Variants in GRID2 observed in about 807,000 individuals in gnomAD.
GRID2 encodes glutamate ionotropic receptor delta type subunit 2.
A neutral mutation model predicts 114.8 loss-of-function variants in GRID2; 33 were observed. That is an observed-to-expected ratio of 0.29 (90% CI 0.22 to 0.38). The LOEUF is 0.38. Ranked by LOEUF, GRID2 falls within the 10% of genes least tolerant of loss-of-function variation. The pLI is 1.00. For missense variants in GRID2, 1,184 were observed against 1,257.7 expected, an observed-to-expected ratio of 0.94 and a Z score of 0.89; for synonymous variants, 505 against 449.9, an observed-to-expected ratio of 1.12 and a Z score of -1.55.
chr4:93,519,659 A>G (rs1390929282), intron 13 of GRID2, among the ~76,000 whole-genome samples: 1 of 152,190 alleles, frequency 6.6e-6, no homozygotes, highest in Non-Finnish European at 1.5e-5. Context: ...ATCTCAGCAT[A>G]GAAGACCACT....
chr4:93,519,634 A>G (rs527660855), intron 13 of GRID2, among the ~76,000 whole-genome samples: 11 of 152,228 alleles, frequency 7.2e-5, no homozygotes, highest in Non-Finnish European at 1.6e-4. Context: ...TTGGGGAAAA[A>G]CAAATCATTC....
chr4:92,599,843 G>A (rs1346693537), intron 2 of GRID2, among the ~76,000 whole-genome samples: 3 of 151,568 alleles, frequency 2.0e-5, no homozygotes, highest in Admixed American at 6.6e-5. Context: ...TAGCCAACAC[G>A]GTGAAACCCC....
At chr4:93,262,433 A>T (rs1750354739) in intron 8 of GRID2, among the ~76,000 whole-genome samples, 1 of 151,976 alleles carries the variant, frequency 6.6e-6, no homozygotes, top group South Asian at 2.1e-4. Flanking sequence ...ATTGTGGCCC[A>T]AATATGGAGT....
intron 13 of GRID2, among the ~76,000 whole-genome samples, chr4:93,595,378 A>T (rs1738973391): frequency 6.6e-6 from 1 of 152,072 alleles, no homozygotes; most frequent in South Asian, 2.1e-4. Flanking sequence ...CCAAGTTCTG[A>T]TATCTGTTAT....
chr4:93,203,268 T>A lies in GRID2; in HGVS notation c.736-4136T>A, dbSNP rs116748833. On this transcript the variant is annotated intron_variant, in intron 4 of 15. Coordinates refer to ENST00000282020, the MANE Select transcript of GRID2 (RefSeq NM_001510.4). ...TTATAACCCTTGTTTAGTGAATATT[T>A]TCTCAGATAATAAATGGAAGAATTA... Among the ~76,000 whole-genome samples, 1,361 of 152,302 alleles carry A rather than the reference T, an allele frequency of 8.9e-3. 20 individuals are homozygous for A. The highest frequency in any genetic ancestry group is 0.031 in the African/African-American group (1,292 of 41,572).
chr4:92,336,956 T>TG (rs539064908), intron 1 of GRID2, among the ~76,000 whole-genome samples: 116 of 146,902 alleles, frequency 7.9e-4, no homozygotes, highest in Middle Eastern at 7.0e-3. Flanking sequence ...TCGTTGTTGT[T>TG]TTTTTTTTTT....
At chr4:92,646,617 C>G (rs564914375) in intron 2 of GRID2, among the ~76,000 whole-genome samples, 326 of 152,196 alleles carry the variant, frequency 2.1e-3, no homozygotes, top group South Asian at 0.018. Context: ...ATGATGACTG[C>G]TGGGGCTAAC....
chr4:93,588,030 A>G (rs1737718094), intron 13 of GRID2, among the ~76,000 whole-genome samples: 1 of 152,174 alleles, frequency 6.6e-6, no homozygotes, highest in Non-Finnish European at 1.5e-5. Context: ...TCTAGAAACA[A>G]TGCAGTGGTC....
chr4:93,536,874 G>A (rs1732142004), intron 13 of GRID2, among the ~76,000 whole-genome samples: 1 of 151,586 alleles, frequency 6.6e-6, no homozygotes, highest in Non-Finnish European at 1.5e-5. Flanking sequence ...ACAGAAATGT[G>A]TTCTGTCCTT....
chr4:92,370,619 A>G (rs998142556), intron 1 of GRID2, among the ~76,000 whole-genome samples: 1 of 152,124 alleles, frequency 6.6e-6, no homozygotes, highest in African/African-American at 2.4e-5. Flanking sequence ...ACATTAGACC[A>G]ATTAATACTG....
intron 1 of GRID2, among the ~76,000 whole-genome samples, chr4:92,333,100 G>C (rs540465739): frequency 6.6e-6 from 1 of 152,360 alleles, no homozygotes; most frequent in East Asian, 1.9e-4. Flanking sequence ...CCTGTAACAA[G>C]TCTCTGCCTG....
intron 12 of GRID2, among the ~76,000 whole-genome samples, chr4:93,513,402 A>C (rs1729386954): frequency 6.6e-6 from 1 of 152,126 alleles, no homozygotes; most frequent in African/African-American, 2.4e-5. Flanking sequence ...TTGAAACAAA[A>C]TTTTTGTTGT....
chr4:92,428,986 G>A (rs1732300984), intron 1 of GRID2, among the ~76,000 whole-genome samples: 1 of 152,026 alleles, frequency 6.6e-6, no homozygotes, highest in Non-Finnish European at 1.5e-5. Context: ...ATATACATTA[G>A]CTATTTCTTC....
rs536432368 is a variant in GRID2 at position 92,828,908 on chromosome 4, A to G, written c.244+238622A>G. Among the ~76,000 whole-genome samples, 3 of 151,810 alleles carry G rather than the reference A, an allele frequency of 2.0e-5. No homozygotes were observed. In the South Asian group the frequency reaches 6.3e-4, roughly 32 times the overall value. The stretch of plus-strand genomic sequence containing the variant: ...TGTTTAAGTTCCTTGTAGCTTCTGG[A>G]TATTAGACCTTTGTCAGATGGATAG... On this transcript the variant is annotated intron_variant, in intron 2 of 15. Transcript: ENST00000282020.
intron 13 of GRID2, among the ~76,000 whole-genome samples, chr4:93,594,856 G>A (rs1047986556): frequency 6.6e-6 from 1 of 152,050 alleles, no homozygotes; most frequent in African/African-American, 2.4e-5. Flanking sequence ...TTAGGAAAGG[G>A]AACTCCCTGA....
intron 9 of GRID2, among the ~76,000 whole-genome samples, chr4:93,396,660 A>G (rs1765362465): frequency 6.6e-6 from 1 of 152,100 alleles, no homozygotes; most frequent in African/African-American, 2.4e-5. Flanking sequence ...TCTACTGTAT[A>G]CCTGGGAAAG....
intron 13 of GRID2, among the ~76,000 whole-genome samples, chr4:93,624,139 C>G (rs907318924): frequency 2.6e-5 from 4 of 152,148 alleles, no homozygotes; most frequent in Non-Finnish European, 5.9e-5. Context: ...AAACTATCAT[C>G]TCATTAATAT....
chr4:93,125,984 C>T (rs1734231259), intron 4 of GRID2, among the ~76,000 whole-genome samples: 2 of 152,158 alleles, frequency 1.3e-5, no homozygotes, highest in Admixed American at 1.3e-4. Flanking sequence ...ATAACATTCC[C>T]AATCACATGA....
chr4:93,524,380 CAG>C (rs1730626963), intron 13 of GRID2, among the ~76,000 whole-genome samples: 1 of 152,060 alleles, frequency 6.6e-6, no homozygotes, highest in Non-Finnish European at 1.5e-5. Context: ...CTCTAGAAAT[CAG>C]AGTTTTTAGG....
Sources: gnomAD v4.1 joint callset for allele counts (sites outside exome capture counted in the v4.1 genomes callset) on GRCh38, gnomAD v4.1.1 for gene constraint, MANE v1.5 for transcripts, NCBI Gene and HGNC (gene_info 2026-07-23, HGNC 2026-07-21) for gene names.